Variants in MME observed in about 807,000 individuals in gnomAD.
MME encodes neprilysin.
Under a neutral mutation model 113.2 loss-of-function variants are expected in MME, and 98 were observed. The ratio of observed to expected loss-of-function variants is 0.87; its 90% CI spans 0.74 to 1.02. The LOEUF is 1.02. MME is among the 50% of genes least tolerant of loss of function. The pLI is 0.00. For synonymous variants in MME, 292 were observed against 300.6 expected, an observed-to-expected ratio of 0.97 and a Z score of 0.30; for missense variants, 836 against 896.0, an observed-to-expected ratio of 0.93 and a Z score of 0.86.
At position 155,172,587 on chromosome 3, in the gene MME, G is replaced by C. The variant is rs1287369363; in HGVS notation, c.2128G>C (p.Asp710His). ...PEYAVNSIKT[D>H]VHSPGNFRII... ...GTATGCGGTTAACTCCATTAAAACA[G>C]ATGTGCACAGTCCAGGCAATTTCAG... The change falls in exon 22 of 23, where the codon GAT becomes CAT. Residue 710 changes from aspartate to histidine, a missense_variant. Asp to His is a moderately conservative substitution (Grantham distance 81, BLOSUM62 -1). Coordinates refer to ENST00000360490, the MANE Select transcript of MME (RefSeq NM_007289.4). 1.2e-6 allele frequency: 2 copies of C among 1,613,014 alleles called. No individual in the cohort carries two copies. Among genetic ancestry groups the C allele is most frequent in the South Asian group, 1.1e-5 (1 of 91,068 alleles).
chr3:155,115,231 C>A (rs1718502477), intron 4 of MME, 76 bp downstream of exon 4: 1 of 1,538,392 alleles, frequency 6.5e-7, no homozygotes, highest in Admixed American at 1.7e-5. Flanking sequence ...AATTGTTAGC[C>A]ATTACAAGGA....
At chr3:155,180,240 G>GTTTAAC in intron 22 of MME, 120 bp from the exon 23 acceptor site, 1 of 798,630 alleles carries the variant, frequency 1.3e-6, no homozygotes, top group East Asian at 2.5e-5. Context: ...GTTATTTTAA[G>GTTTAAC]TTTAACTTTA....
At chr3:155,109,102 C>T (rs559471102) in intron 3 of MME, among the ~76,000 whole-genome samples, 1 of 152,278 alleles carries the variant, frequency 6.6e-6, no homozygotes, top group Non-Finnish European at 1.5e-5. Flanking sequence ...AAAAATGTTT[C>T]TTGGCCATCA....
chr3:155,106,212 T>C (rs1478729618), intron 3 of MME, among the ~76,000 whole-genome samples: 1 of 152,198 alleles, frequency 6.6e-6, no homozygotes, highest in African/African-American at 2.4e-5. Context: ...AGTTGTATAG[T>C]GATGGTTTCA....
intron 16 of MME, among the ~76,000 whole-genome samples, chr3:155,155,153 C>CTGTTT (rs1414793461): frequency 6.6e-6 from 1 of 152,086 alleles, no homozygotes; most frequent in Non-Finnish European, 1.5e-5. Context: ...ATGAGGGATT[C>CTGTTT]TGTTTTGTTT....
intron 1 of MME, among the ~76,000 whole-genome samples, chr3:155,056,209 G>A (rs1483072714): frequency 6.6e-6 from 1 of 151,688 alleles, no homozygotes; most frequent in African/African-American, 2.4e-5. Flanking sequence ...TTAAGTTTTA[G>A]GGTACATATG....
intron 1 of MME, among the ~76,000 whole-genome samples, chr3:155,069,548 T>C (rs1714488809): frequency 6.6e-6 from 1 of 152,202 alleles, no homozygotes; most frequent in Non-Finnish European, 1.5e-5. Context: ...CCCTTTTTCT[T>C]TGAGACACCT....
intron 17 of MME, 63 bp from the exon 18 acceptor site, chr3:155,166,839 A>G: frequency 6.2e-7 from 1 of 1,607,684 alleles, no homozygotes; most frequent in Non-Finnish European, 8.5e-7. Context: ...ACTGTCTCTA[A>G]GAAAATAAAA....
At chr3:155,068,181 T>C (rs1714447774) in intron 1 of MME, among the ~76,000 whole-genome samples, 1 of 152,154 alleles carries the variant, frequency 6.6e-6, no homozygotes, top group African/African-American at 2.4e-5. Context: ...AAAGAGTGTA[T>C]ACTGTGTAAT....
chr3:155,098,263 A>G (rs984611970), intron 3 of MME, among the ~76,000 whole-genome samples: 2 of 152,122 alleles, frequency 1.3e-5, no homozygotes, highest in Non-Finnish European at 2.9e-5. Context: ...AAAGTAAAAA[A>G]TAGAGTGGCT....
At chr3:155,054,827 A>C (rs1343785929) in intron 1 of MME, among the ~76,000 whole-genome samples, 2 of 152,202 alleles carry the variant, frequency 1.3e-5, no homozygotes, top group Non-Finnish European at 2.9e-5. Context: ...CAAAAACCAA[A>C]ACAAGCAAAC....
At chr3:155,088,996 G>T (rs1716040042) in intron 3 of MME, among the ~76,000 whole-genome samples, 1 of 152,118 alleles carries the variant, frequency 6.6e-6, no homozygotes, top group Non-Finnish European at 1.5e-5. Context: ...ATTGCAGAAG[G>T]CTGTTTCAAA....
At chr3:155,161,351 G>T (rs927306786) in intron 17 of MME, among the ~76,000 whole-genome samples, 2 of 151,974 alleles carry the variant, frequency 1.3e-5, no homozygotes, top group African/African-American at 2.4e-5. Context: ...ATTTCTAAAC[G>T]TGGTCTAGAA....
At chr3:155,091,023 G>A (rs1375884553) in intron 3 of MME, among the ~76,000 whole-genome samples, 1 of 152,182 alleles carries the variant, frequency 6.6e-6, no homozygotes, top group Non-Finnish European at 1.5e-5. Flanking sequence ...TAACTCATGG[G>A]GGCTACTGGC....
chr3:155,178,019 A>T (rs185401702), intron 22 of MME, among the ~76,000 whole-genome samples: 1 of 152,238 alleles, frequency 6.6e-6, no homozygotes, highest in Non-Finnish European at 1.5e-5. Context: ...ACCACACGCC[A>T]TGCTATCAGA....
upstream of MME, among the ~76,000 whole-genome samples, chr3:155,077,808 C>T (rs1239575669): frequency 6.6e-6 from 1 of 151,978 alleles, no homozygotes; most frequent in Non-Finnish European, 1.5e-5. Context: ...CCAATCCATA[C>T]TGTCGACTAT....
chr3:155,034,435 T>C (rs989166200), intron 1 of MME, among the ~76,000 whole-genome samples: 2 of 152,184 alleles, frequency 1.3e-5, no homozygotes, highest in African/African-American at 4.8e-5. Flanking sequence ...ATCAACTTGA[T>C]TTTAGGAGCA....
At chr3:155,141,843 C>A in intron 10 of MME, 148 bp from the exon 11 acceptor site, 2 of 811,638 alleles carry the variant, frequency 2.5e-6, no homozygotes, top group Admixed American at 2.5e-5. Flanking sequence ...TGTTGCAGAA[C>A]TAGTTTTTAT....
At chr3:155,166,293 CAAG>C (rs1007930501) in intron 17 of MME, among the ~76,000 whole-genome samples, 2 of 151,778 alleles carry the variant, frequency 1.3e-5, no homozygotes, top group Non-Finnish European at 2.9e-5. Context: ...TTAGGGCAGA[CAAG>C]AAAAGGAAGG....
Sources: gnomAD v4.1 joint callset for allele counts (sites outside exome capture counted in the v4.1 genomes callset) on GRCh38, gnomAD v4.1.1 for gene constraint, MANE v1.5 for transcripts, NCBI Gene and HGNC (gene_info 2026-07-23, HGNC 2026-07-21) for gene names.